The following ERBB4 variants were observed in gnomAD, a reference collection of about 807,000 sequenced individuals.
The protein encoded by ERBB4 is erb-b2 receptor tyrosine kinase 4.
In ERBB4, 42 loss-of-function variants were observed where a neutral mutation model predicts 158.0. The observed-to-expected ratio is 0.27, with a 90% CI of 0.21 to 0.34. The LOEUF is 0.34. ERBB4 is among the 10% of genes least tolerant of loss of function. The pLI, the probability that ERBB4 is intolerant of heterozygous loss-of-function variation, is 1.00. For synonymous variants in ERBB4, 583 were observed against 558.7 expected (o/e 1.04, Z -0.61); for missense variants, 1,333 against 1,624.1 (o/e 0.82, Z 3.08).
At chr2:211,568,656 G>A (rs1263953026) in intron 19 of ERBB4, among the ~76,000 whole-genome samples, 1 of 152,062 alleles carries the variant, frequency 6.6e-6, no homozygotes, top group Admixed American at 6.6e-5. Context: ...AAATCTCATT[G>A]CATCAGAGAT....
At chr2:212,273,829 G>C (rs1356254025) in intron 1 of ERBB4, among the ~76,000 whole-genome samples, 1 of 151,762 alleles carries the variant, frequency 6.6e-6, no homozygotes, top group Admixed American at 6.6e-5. Flanking sequence ...TCACTCACTT[G>C]TCAGAGGTCA....
chr2:212,464,894 A>T (rs552941907), intron 1 of ERBB4, among the ~76,000 whole-genome samples: 758 of 58,872 alleles, frequency 0.013, 2 homozygotes, highest in African/African-American at 0.036. Flanking sequence ...GGGAAACATC[A>T]CACACACACA....
intron 2 of ERBB4, among the ~76,000 whole-genome samples, chr2:212,026,862 C>G (rs772610224): frequency 7.9e-5 from 12 of 151,512 alleles, no homozygotes; most frequent in Non-Finnish European, 1.8e-4. Context: ...CTAGTTTTTT[C>G]AAGCTAATTT....
intron 1 of ERBB4, among the ~76,000 whole-genome samples, chr2:212,512,703 T>G (rs1691592546): frequency 6.6e-6 from 1 of 152,228 alleles, no homozygotes. Flanking sequence ...AATACTAGTT[T>G]GATAGGGTAT....
chr2:211,737,203 C>A (rs2074629082), intron 5 of ERBB4, among the ~76,000 whole-genome samples: 1 of 152,094 alleles, frequency 6.6e-6, no homozygotes, highest in South Asian at 2.1e-4. Context: ...TATGGTTCCA[C>A]ACTAGTATGA....
At chr2:211,671,151 A>G (rs1224344472) in intron 14 of ERBB4, among the ~76,000 whole-genome samples, 4 of 152,200 alleles carry the variant, frequency 2.6e-5, no homozygotes, top group Non-Finnish European at 5.9e-5. Flanking sequence ...AGGCCAAAAT[A>G]TTATTACTTG....
chr2:212,358,366 T>TA (rs200660354), intron 1 of ERBB4, among the ~76,000 whole-genome samples: 3,177 of 148,002 alleles, frequency 0.021, 62 homozygotes, highest in Non-Finnish European at 0.035. Context: ...GCACTTTTTT[T>TA]AAAAAAAAAA....
chr2:212,133,647 G>GA (rs771916986), intron 1 of ERBB4, among the ~76,000 whole-genome samples: 142 of 136,984 alleles, frequency 1.0e-3, no homozygotes, highest in Non-Finnish European at 1.3e-3. Flanking sequence ...GAACTAGAAT[G>GA]AAAAAAAAAA....
At chr2:211,819,471 A>G (rs1453960227) in intron 3 of ERBB4, among the ~76,000 whole-genome samples, 2 of 152,060 alleles carry the variant, frequency 1.3e-5, no homozygotes, top group Non-Finnish European at 2.9e-5. Flanking sequence ...AGGACTAGAA[A>G]GAGCATTCTA....
chr2:212,227,979 T>A (rs1423879618), intron 1 of ERBB4, among the ~76,000 whole-genome samples: 1 of 152,194 alleles, frequency 6.6e-6, no homozygotes, highest in Non-Finnish European at 1.5e-5. Context: ...CCAATCAAGC[T>A]GAGCTTAAAG....
At chr2:211,523,616 C>A (rs1030708957) in intron 20 of ERBB4, among the ~76,000 whole-genome samples, 1 of 151,684 alleles carries the variant, frequency 6.6e-6, no homozygotes, top group Non-Finnish European at 1.5e-5. Context: ...CAAGGCTGCG[C>A]GTCTGGAGTT....
intron 1 of ERBB4, among the ~76,000 whole-genome samples, chr2:212,299,735 GAGCAGCGAT>G (rs2106204130): frequency 1.3e-5 from 2 of 151,698 alleles, no homozygotes; most frequent in East Asian, 3.9e-4. Context: ...AAGCACTAAT[GAGCAGCGAT>G]AGCCAACCAA....
intron 3 of ERBB4, among the ~76,000 whole-genome samples, chr2:211,940,263 C>T (rs985937634): frequency 3.3e-5 from 5 of 152,064 alleles, no homozygotes; most frequent in African/African-American, 7.3e-5. Flanking sequence ...CAGAGCAAAA[C>T]GATGGAGCCA....
chr2:212,207,802 G>T (rs1352999210), intron 1 of ERBB4, among the ~76,000 whole-genome samples: 1 of 151,842 alleles, frequency 6.6e-6, no homozygotes, highest in African/African-American at 2.4e-5. Flanking sequence ...CTTTATAGTA[G>T]GTCATTTACT....
chr2:212,373,743 ATATATCCATG>A lies in ERBB4; in HGVS notation c.82+164696_82+164705del, dbSNP rs1487263254. ...TATATCCATATATATATATCCATAT[ATATATCCATG>A]TATATATCCACGTATATATCCATGT... On this transcript the variant is annotated intron_variant, in intron 1 of 27. Coordinates refer to ENST00000342788, the MANE Select transcript of ERBB4 (RefSeq NM_005235.3). Among the ~76,000 whole-genome samples the A allele has an allele frequency of 3.7e-4, 54 of 146,552 alleles. 1 individual carries two copies. Among genetic ancestry groups the A allele is most frequent in the African/African-American group, 1.2e-3 (50 of 40,198 alleles).
intron 4 of ERBB4, among the ~76,000 whole-genome samples, chr2:211,773,631 T>TATATATAAA (rs1459161717): frequency 2.2e-5 from 2 of 91,264 alleles, no homozygotes; most frequent in African/African-American, 1.4e-4. Flanking sequence ...TATATATATA[T>TATATATAAA]ATATATATAT....
At chr2:211,786,493 GA>G (rs553433063) in intron 4 of ERBB4, among the ~76,000 whole-genome samples, 3 of 152,030 alleles carry the variant, frequency 2.0e-5, no homozygotes, top group Non-Finnish European at 2.9e-5. Flanking sequence ...TTATTTACAT[GA>G]AAAAAACAAT....
chr2:211,551,155 A>C (rs973101881), intron 20 of ERBB4, among the ~76,000 whole-genome samples: 3 of 152,160 alleles, frequency 2.0e-5, no homozygotes, highest in Non-Finnish European at 4.4e-5. Flanking sequence ...TCTTCCTTAG[A>C]CTAGTATGCA....
At chr2:212,276,128 T>A (rs909264690) in intron 1 of ERBB4, among the ~76,000 whole-genome samples, 1 of 151,826 alleles carries the variant, frequency 6.6e-6, no homozygotes, top group Non-Finnish European at 1.5e-5. Context: ...AATTATTTCA[T>A]CACAAACAAA....
Sources: gnomAD v4.1 joint callset for allele counts (sites outside exome capture counted in the v4.1 genomes callset) on GRCh38, gnomAD v4.1.1 for gene constraint, MANE v1.5 for transcripts, NCBI Gene and HGNC (gene_info 2026-07-23, HGNC 2026-07-21) for gene names.